HIBCH: variants seen among roughly 807,000 people sequenced by gnomAD.
HIBCH encodes 3-hydroxyisobutyryl-CoA hydrolase, mitochondrial.
A neutral mutation model predicts 58.2 loss-of-function variants in HIBCH; 50 were observed. The observed-to-expected ratio is 0.86, with a 90% CI of 0.68 to 1.09. HIBCH has a LOEUF of 1.09. Among genes scored for constraint, HIBCH ranks in the 50% least tolerant of loss-of-function variants. The pLI, the probability that HIBCH is intolerant of heterozygous loss-of-function variation, is 0.00. For synonymous variants in HIBCH, 151 were observed against 146.9 expected (o/e 1.03, Z -0.20); for missense variants, 450 against 449.7 (o/e 1.00, Z -0.01).
At chr2:190,229,908 A>G (rs149952084) in intron 11 of HIBCH, among the ~76,000 whole-genome samples, 4 of 152,334 alleles carry the variant, frequency 2.6e-5, no homozygotes, top group Admixed American at 6.5e-5. Flanking sequence ...AGTCCGTAAA[A>G]ACGTAACAGT....
At chr2:190,223,985 C>G (rs376814401) in intron 11 of HIBCH, among the ~76,000 whole-genome samples, 5 of 152,182 alleles carry the variant, frequency 3.3e-5, no homozygotes, top group Non-Finnish European at 7.4e-5. Flanking sequence ...CAAAAGGGGT[C>G]GGGGAATTCC....
rs1007709254 is a variant in HIBCH, at chr2:190,236,476, T to C, written c.891+8411A>G. Among the ~76,000 whole-genome samples, 1 of 152,210 alleles carries C rather than the reference T, an allele frequency of 6.6e-6. No homozygotes were observed. The highest frequency in any genetic ancestry group is 2.4e-5 in the African/African-American group (1 of 41,464). On this transcript the variant is annotated intron_variant, in intron 11 of 13. Transcript: ENST00000359678. The surrounding 1 kb of genome is among the most constrained non-coding windows in gnomAD (Gnocchi z 4.1). Reference sequence around the variant, plus strand: ...CTTAAACCTTACAAACATATATCTATAAATCATTTCCAGAAGTGTTCCGAC... The same window carrying C: ...CTTAAACCTTACAAACATATATCTACAAATCATTTCCAGAAGTGTTCCGAC...
chr2:190,290,869 G>A (rs961561302), intron 4 of HIBCH, among the ~76,000 whole-genome samples: 7 of 152,160 alleles, frequency 4.6e-5, no homozygotes, highest in South Asian at 4.2e-4. Flanking sequence ...TAATTAGCTG[G>A]CTGCAGTGCC....
chr2:190,270,848 A>C (rs1473483713), intron 6 of HIBCH, among the ~76,000 whole-genome samples: 1 of 152,166 alleles, frequency 6.6e-6, no homozygotes, highest in African/African-American at 2.4e-5. Context: ...GCATCTTAAT[A>C]TGTATATTGA....
At chr2:190,205,517 C>CT (rs955406518) in intron 13 of HIBCH, among the ~76,000 whole-genome samples, 8 of 152,006 alleles carry the variant, frequency 5.3e-5, no homozygotes, top group Non-Finnish European at 1.0e-4. Flanking sequence ...CATTAGAATT[C>CT]TTTTTTTCTT....
intron 6 of HIBCH, among the ~76,000 whole-genome samples, chr2:190,263,440 T>C (rs1575734024): frequency 6.6e-6 from 1 of 152,156 alleles, no homozygotes; most frequent in Admixed American, 6.5e-5. Flanking sequence ...CTTTCATTTC[T>C]CCCTGATATC....
intron 2 of HIBCH, among the ~76,000 whole-genome samples, chr2:190,297,905 T>TGCCCCCC (rs1381044824): frequency 2.0e-5 from 3 of 148,988 alleles, no homozygotes; most frequent in Non-Finnish European, 3.0e-5. Context: ...TCCCTCCCCT[T>TGCCCCCC]GCCCCCCACC....
intron 6 of HIBCH, among the ~76,000 whole-genome samples, chr2:190,273,859 A>G (rs557825425): frequency 2.0e-5 from 3 of 152,062 alleles, no homozygotes; most frequent in South Asian, 2.1e-4. Flanking sequence ...GCAGGGTCTC[A>G]GATGCAGTGA....
At chr2:190,272,487 A>G (rs968244388) in intron 6 of HIBCH, among the ~76,000 whole-genome samples, 1 of 152,210 alleles carries the variant, frequency 6.6e-6, no homozygotes, top group East Asian at 1.9e-4. Flanking sequence ...AGAAACCTCT[A>G]GACCAAAAAT....
chr2:190,244,923 C>T lies in HIBCH; in HGVS notation c.855G>A (p.Gln285=). ...CTAGGGCAAAAGATGAACCATCTTGCTGTAAGTTTTCAATAATTTCTTCCA... is the reference window on the plus strand; with the variant it reads ...CTAGGGCAAAAGATGAACCATCTTGTTGTAAGTTTTCAATAATTTCTTCCA... ...NTVEEIIENL[Q]QDGSSFALEQ... The change falls in exon 11 of 14, where the codon CAG becomes CAA. Residue 285 remains glutamine, a synonymous_variant. Coordinates refer to ENST00000359678, the MANE Select transcript of HIBCH (RefSeq NM_014362.4). 1 of 1,611,804 alleles carries T rather than the reference C, an allele frequency of 6.2e-7. No individual in the cohort carries two copies. The highest frequency in any genetic ancestry group is 8.5e-7 in the Non-Finnish European group (1 of 1,177,902).
At chr2:190,230,915 T>G (rs58038231) in intron 11 of HIBCH, among the ~76,000 whole-genome samples, 1 of 152,256 alleles carries the variant, frequency 6.6e-6, no homozygotes, top group East Asian at 1.9e-4. Context: ...CAATCTCTCA[T>G]AAACATAATG....
In HIBCH at chr2:190,206,837, T is replaced by C. The variant is rs1690402534; in HGVS notation, c.1046-1605A>G. Among the ~76,000 whole-genome samples the C allele has an allele frequency of 1.3e-5, 2 of 152,144 alleles. No homozygotes were observed. Among genetic ancestry groups the C allele is most frequent in the South Asian group, 4.1e-4 (2 of 4,826 alleles). ...AATATACTTTCTCTTCATTAAAAAG[T>C]AGCATAGGCCAGGCGCGGTGGCTCA... is the stretch of plus-strand genomic sequence containing the variant. On this transcript the variant is annotated intron_variant, in intron 13 of 13. Coordinates refer to ENST00000359678, the MANE Select transcript of HIBCH (RefSeq NM_014362.4). This position sits in a 1 kb window ranked among gnomAD's most constrained non-coding sequence, Gnocchi z 5.1.
chr2:190,273,524 C>G (rs879668485), intron 6 of HIBCH, among the ~76,000 whole-genome samples: 3 of 152,148 alleles, frequency 2.0e-5, no homozygotes. Flanking sequence ...AACAAGATAT[C>G]CATCCACACT....
intron 1 of HIBCH, among the ~76,000 whole-genome samples, chr2:190,316,556 GA>G (rs1378537032): frequency 6.6e-6 from 1 of 152,166 alleles, no homozygotes; most frequent in African/African-American, 2.4e-5. Flanking sequence ...AGGTTTTCCA[GA>G]AAAATCAGTA....
In HIBCH at chr2:190,274,277, T is replaced by C. The variant is rs73057821; in HGVS notation, c.439-13043A>G. On this transcript the variant is annotated intron_variant, in intron 6 of 13. Coordinates refer to ENST00000359678, the MANE Select transcript of HIBCH (RefSeq NM_014362.4). ...CATTATGTCTAACAAGTCTTTGCAA[T>C]ATACTAACATAATTCAATCTTTGAG... 9.9e-3 allele frequency among the ~76,000 whole-genome samples: 1,507 copies of C among 152,328 alleles called. 32 individuals are homozygous for C. Among genetic ancestry groups the C allele is most frequent in the African/African-American group, 0.035 (1,437 of 41,570 alleles).
intron 13 of HIBCH, 107 bp from the exon 14 acceptor site, chr2:190,205,339 A>C (rs775422951): frequency 2.2e-5 from 15 of 693,892 alleles, no homozygotes; most frequent in Non-Finnish European, 3.2e-5. Context: ...TTTTTCTATC[A>C]TACTTTTTTC....
chr2:190,247,002 CT>C (rs78433117), intron 9 of HIBCH, among the ~76,000 whole-genome samples: 1,927 of 142,250 alleles, frequency 0.014, 10 homozygotes, highest in African/African-American at 0.019. Flanking sequence ...TTAAATAAGA[CT>C]TTTTTTTTTT....
At chr2:190,300,752 C>T (rs1688237092) in intron 2 of HIBCH, among the ~76,000 whole-genome samples, 1 of 152,162 alleles carries the variant, frequency 6.6e-6, no homozygotes, top group South Asian at 2.1e-4. Context: ...AATGATACTG[C>T]CTAGGTTGTC....
At chr2:190,191,735 A>G (rs1689718878) in intron 1 of HIBCH, among the ~76,000 whole-genome samples, 1 of 152,208 alleles carries the variant, frequency 6.6e-6, no homozygotes, top group Non-Finnish European at 1.5e-5. Flanking sequence ...AGCATCTTTC[A>G]TGTACTTATA....
Sources: allele counts gnomAD v4.1 joint callset (sites outside exome capture counted in the v4.1 genomes callset), GRCh38; gene constraint gnomAD v4.1.1; non-coding constraint Gnocchi (gnomAD v3.1); transcripts MANE v1.5; gene names NCBI Gene and HGNC (gene_info 2026-07-23, HGNC 2026-07-21).